Variants in NALF1 observed in about 807,000 individuals in gnomAD.
NALF1 encodes the protein family with sequence similarity 155 member A.
NALF1 carries 3 observed loss-of-function variants against 48.4 expected under a neutral mutation model. That is an observed-to-expected ratio of 0.06 (90% CI 0.03 to 0.16). The LOEUF (loss-of-function observed/expected upper bound fraction) is 0.16, where lower values mean the gene tolerates loss of function less well. NALF1 is among the 10% of genes least tolerant of loss of function. NALF1 has a pLI of 1.00. For synonymous variants in NALF1, 262 were observed against 245.7 expected, an observed-to-expected ratio of 1.07 and a Z score of -0.62; for missense variants, 526 against 571.5, an observed-to-expected ratio of 0.92 and a Z score of 0.81.
chr13:107,342,997 A>G (rs1390830121), intron 1 of NALF1, among the ~76,000 whole-genome samples: 2 of 152,190 alleles, frequency 1.3e-5, no homozygotes, highest in East Asian at 3.9e-4. Flanking sequence ...CTAAGGAAAC[A>G]GAGACTATAA....
intron 1 of NALF1, among the ~76,000 whole-genome samples, chr13:107,627,942 T>C (rs1438944178): frequency 6.6e-6 from 1 of 152,066 alleles, no homozygotes; most frequent in African/African-American, 2.4e-5. Flanking sequence ...AATAAAAAAT[T>C]TAATGACCAG....
chr13:107,400,267 G>C (rs572832584), intron 1 of NALF1, among the ~76,000 whole-genome samples: 14 of 152,238 alleles, frequency 9.2e-5, no homozygotes, highest in African/African-American at 3.4e-4. Context: ...TTTAAAAATA[G>C]TAGGTGATTA....
intron 1 of NALF1, among the ~76,000 whole-genome samples, chr13:107,367,409 G>C (rs1046746947): frequency 9.2e-5 from 14 of 152,154 alleles, no homozygotes; most frequent in Admixed American, 7.9e-4. Flanking sequence ...CTGATGTCTT[G>C]TTTCCGGCTG....
intron 1 of NALF1, among the ~76,000 whole-genome samples, chr13:107,849,419 C>A (rs1880254969): frequency 6.6e-6 from 1 of 152,172 alleles, no homozygotes; most frequent in South Asian, 2.1e-4. Flanking sequence ...TCAGTGTGAT[C>A]TAAATGGCTG....
intron 1 of NALF1, among the ~76,000 whole-genome samples, chr13:107,233,454 A>C (rs1299289493): frequency 1.3e-5 from 2 of 152,232 alleles, no homozygotes; most frequent in Non-Finnish European, 2.9e-5. Context: ...AGTAGAATGT[A>C]TGAAGGTATC....
chr13:107,198,658 G>A (rs1408017178), intron 2 of NALF1, among the ~76,000 whole-genome samples: 1 of 152,120 alleles, frequency 6.6e-6, no homozygotes, highest in Non-Finnish European at 1.5e-5. Flanking sequence ...CTCTGCTAGG[G>A]GAGTCATCAC....
intron 1 of NALF1, among the ~76,000 whole-genome samples, chr13:107,245,672 T>C (rs1433566563): frequency 6.6e-6 from 1 of 152,204 alleles, no homozygotes; most frequent in East Asian, 1.9e-4. Context: ...AAAGAGCCTA[T>C]CACCCAGGCG....
At chr13:107,346,957 A>G (rs1395183700) in intron 1 of NALF1, among the ~76,000 whole-genome samples, 1 of 152,196 alleles carries the variant, frequency 6.6e-6, no homozygotes, top group East Asian at 1.9e-4. Context: ...TGGCCTTTAA[A>G]ACAATATTTA....
chr13:107,571,348 G>C (rs1877982709), intron 1 of NALF1, among the ~76,000 whole-genome samples: 1 of 152,180 alleles, frequency 6.6e-6, no homozygotes, highest in Non-Finnish European at 1.5e-5. Flanking sequence ...GGGGAGAGGA[G>C]AGGGGCTGGA....
intron 1 of NALF1, among the ~76,000 whole-genome samples, chr13:107,734,386 T>C (rs926562084): frequency 1.3e-5 from 1 of 78,320 alleles, no homozygotes; most frequent in Non-Finnish European, 3.1e-5. Context: ...AGAAAATCTA[T>C]GGGTATTTTT....
At chr13:107,803,188 T>C (rs537658427) in intron 1 of NALF1, among the ~76,000 whole-genome samples, 2 of 152,334 alleles carry the variant, frequency 1.3e-5, no homozygotes, top group East Asian at 1.9e-4. Context: ...AGCTGAGCTG[T>C]GCCTATTATT....
intron 1 of NALF1, among the ~76,000 whole-genome samples, chr13:107,412,634 A>G (rs1456801085): frequency 6.6e-6 from 1 of 152,196 alleles, no homozygotes; most frequent in Non-Finnish European, 1.5e-5. Context: ...TGCATTTCAT[A>G]TGTTTTTCAT....
intron 2 of NALF1, among the ~76,000 whole-genome samples, chr13:107,183,744 C>T (rs1361183962): frequency 6.6e-6 from 1 of 152,056 alleles, no homozygotes. Context: ...AACACAGGAC[C>T]AGAAAACCAA....
In NALF1 at chr13:107,448,876, G is replaced by A. The variant is rs933819582; in HGVS notation, c.916-238121C>T. Among the ~76,000 whole-genome samples, 7 of 152,154 alleles carry A rather than the reference G, an allele frequency of 4.6e-5. No individual in the cohort carries two copies. The East Asian group carries it at 1.2e-3, about 25-fold the overall frequency. On this transcript the variant is annotated intron_variant, in intron 1 of 2. Coordinates refer to ENST00000375915, the MANE Select transcript of NALF1 (RefSeq NM_001080396.3). ...TCAAGCTGATGTGAGAGGAGCTGAC[G>A]GGACTTTTGCTAGCAGTCCTCCCTC...
intron 2 of NALF1, among the ~76,000 whole-genome samples, chr13:107,187,328 T>C (rs1879195982): frequency 6.6e-6 from 1 of 152,166 alleles, no homozygotes; most frequent in Non-Finnish European, 1.5e-5. Flanking sequence ...ACTTCTACCT[T>C]TGTGTTCTTT....
intron 1 of NALF1, among the ~76,000 whole-genome samples, chr13:107,562,320 C>T (rs939805630): frequency 1.8e-4 from 27 of 152,252 alleles, no homozygotes; most frequent in African/African-American, 5.3e-4. Flanking sequence ...CTAAGAGAAA[C>T]GACAGTCAAA....
chr13:107,761,364 CA>C (rs63157461), intron 1 of NALF1, among the ~76,000 whole-genome samples: 147,808 of 148,334 alleles, frequency 1, 73,641 homozygotes, highest in Middle Eastern at 1. Context: ...CTCAAAAAAA[CA>C]AAAAAAAAGA....
chr13:107,627,612 C>T (rs951258304), intron 1 of NALF1, among the ~76,000 whole-genome samples: 2 of 151,984 alleles, frequency 1.3e-5, no homozygotes, highest in Non-Finnish European at 2.9e-5. Flanking sequence ...TCCTATAAAA[C>T]GTATATTTTA....
intron 1 of NALF1, among the ~76,000 whole-genome samples, chr13:107,265,495 C>A (rs1233318971): frequency 6.6e-6 from 1 of 152,154 alleles, no homozygotes; most frequent in Admixed American, 6.5e-5. Flanking sequence ...TCTTGGCTCA[C>A]TGCAACCTCA....
Sources: gnomAD v4.1 joint callset for allele counts (sites outside exome capture counted in the v4.1 genomes callset) on GRCh38, gnomAD v4.1.1 for gene constraint, MANE v1.5 for transcripts, NCBI Gene and HGNC (gene_info 2026-07-23, HGNC 2026-07-21) for gene names.